Variants in PTPRT observed in about 807,000 individuals in gnomAD.
PTPRT encodes receptor-type tyrosine-protein phosphatase T.
A neutral mutation model predicts 176.8 loss-of-function variants in PTPRT; 56 were observed. That is an observed-to-expected ratio of 0.32 (90% confidence interval 0.26 to 0.40). PTPRT has a LOEUF of 0.40. Ranked by LOEUF, PTPRT falls within the 10% of genes least tolerant of loss-of-function variation. PTPRT has a pLI of 1.00. For missense variants in PTPRT, 1,540 were observed against 1,908.2 expected (o/e 0.81, Z 3.60); for synonymous variants, 783 against 739.0 (o/e 1.06, Z -0.96).
intron 12 of PTPRT, among the ~76,000 whole-genome samples, chr20:42,315,051 A>G (rs1364792170): frequency 6.6e-6 from 1 of 152,156 alleles, no homozygotes; most frequent in Non-Finnish European, 1.5e-5. Flanking sequence ...ACTGGTGCCA[A>G]TCCTTGACCA....
At chr20:42,677,367 G>A (rs963232627) in intron 7 of PTPRT, among the ~76,000 whole-genome samples, 4 of 152,060 alleles carry the variant, frequency 2.6e-5, no homozygotes, top group African/African-American at 7.2e-5. Flanking sequence ...AAGCGTTCAC[G>A]GGGCACAGTG....
At chr20:42,276,284 C>T (rs74177340) in intron 13 of PTPRT, among the ~76,000 whole-genome samples, 13,404 of 151,026 alleles carry the variant, frequency 0.089, 813 homozygotes, top group East Asian at 0.22. Flanking sequence ...AAAAGTGAGG[C>T]CAACATCACT....
intron 1 of PTPRT, among the ~76,000 whole-genome samples, chr20:42,906,031 C>T (rs1004183061): frequency 6.6e-6 from 1 of 152,028 alleles, no homozygotes. Context: ...CGAACCTGCA[C>T]GTTGTGCACA....
intron 11 of PTPRT, among the ~76,000 whole-genome samples, chr20:42,330,355 A>T (rs181580049): frequency 6.6e-6 from 1 of 152,216 alleles, no homozygotes; most frequent in Admixed American, 6.5e-5. Context: ...ACATGTCTGC[A>T]GTCCCAGCTG....
At chr20:42,985,066 C>G (rs6030585) in intron 1 of PTPRT, among the ~76,000 whole-genome samples, 129,485 of 152,222 alleles carry the variant, frequency 0.85, 55,504 homozygotes, top group African/African-American at 0.96. Flanking sequence ...CTGGGAGCTA[C>G]AGCAGGAGGG....
At chr20:42,425,909 T>C (rs1187263894) in intron 9 of PTPRT, among the ~76,000 whole-genome samples, 1 of 152,082 alleles carries the variant, frequency 6.6e-6, no homozygotes, top group African/African-American at 2.4e-5. Flanking sequence ...GAGGAGCTTC[T>C]GGAAGGGGCT....
intron 9 of PTPRT, among the ~76,000 whole-genome samples, chr20:42,402,230 T>C (rs546635110): frequency 6.6e-6 from 1 of 152,076 alleles, no homozygotes; most frequent in Non-Finnish European, 1.5e-5. Flanking sequence ...CCCCAAAACA[T>C]CCCTGACTTG....
intron 13 of PTPRT, among the ~76,000 whole-genome samples, chr20:42,252,223 C>A (rs568365665): frequency 6.6e-6 from 1 of 152,198 alleles, no homozygotes; most frequent in Admixed American, 6.5e-5. Flanking sequence ...AAAAGAATAG[C>A]TTTAGGGGGA....
chr20:43,185,706 G>T (rs989065165), intron 1 of PTPRT, among the ~76,000 whole-genome samples: 1 of 152,268 alleles, frequency 6.6e-6, no homozygotes, highest in South Asian at 2.1e-4. Flanking sequence ...GGCCGAGGTA[G>T]GCACATCACC....
intron 7 of PTPRT, among the ~76,000 whole-genome samples, chr20:42,592,146 A>AT (rs11483312): frequency 1.4e-3 from 198 of 140,870 alleles, no homozygotes; most frequent in Middle Eastern, 7.4e-3. Flanking sequence ...CACCCAGCTA[A>AT]TTTTTTTTTT....
At chr20:42,958,064 A>G (rs1311777561) in intron 1 of PTPRT, among the ~76,000 whole-genome samples, 1 of 150,238 alleles carries the variant, frequency 6.7e-6, no homozygotes, top group Non-Finnish European at 1.5e-5. Context: ...AGCGGCAGAC[A>G]GGCTCTGTGC....
chr20:43,027,304 T>C (rs1439332906), intron 1 of PTPRT, among the ~76,000 whole-genome samples: 2 of 152,108 alleles, frequency 1.3e-5, no homozygotes, highest in African/African-American at 2.4e-5. Flanking sequence ...GGTGAAACCC[T>C]GTCTCTATTA....
intron 6 of PTPRT, among the ~76,000 whole-genome samples, chr20:42,695,988 G>C (rs137867214): frequency 2.6e-5 from 4 of 152,078 alleles, no homozygotes; most frequent in Non-Finnish European, 4.4e-5. Flanking sequence ...CTATCACTTA[G>C]AGAGTGGGCT....
At position 42,742,946 on chromosome 20, in the gene PTPRT, G is replaced by A. The variant is rs964238298; in HGVS notation, c.859+13516C>T. On this transcript the variant is annotated intron_variant, in intron 6 of 30. Coordinates refer to ENST00000373187, the MANE Select transcript of PTPRT (RefSeq NM_007050.6). ...GTGCAGCCTCCTCACCTCCCCTTAC[G>A]AAGGGCCTTTCCAATTGCTTGCTCA... is the stretch of plus-strand genomic sequence containing the variant. 3.9e-5 allele frequency among the ~76,000 whole-genome samples: 6 copies of A among 152,172 alleles called. No individual in the cohort carries two copies. The South Asian group carries it at 6.2e-4, about 16-fold the overall frequency.
At chr20:42,684,810 A>C (rs540600330) in intron 6 of PTPRT, among the ~76,000 whole-genome samples, 28 of 152,158 alleles carry the variant, frequency 1.8e-4, no homozygotes, top group Admixed American at 4.6e-4. Context: ...AAGACTAAAA[A>C]CTCTGGTTCC....
intron 7 of PTPRT, among the ~76,000 whole-genome samples, chr20:42,506,134 A>G (rs768981947): frequency 2.4e-4 from 37 of 152,154 alleles, no homozygotes; most frequent in South Asian, 6.2e-4. Flanking sequence ...TCTTCTTAAC[A>G]TTTCTTTTTT....
At chr20:42,879,421 T>C (rs955310992) in intron 2 of PTPRT, among the ~76,000 whole-genome samples, 6 of 152,188 alleles carry the variant, frequency 3.9e-5, no homozygotes, top group African/African-American at 1.4e-4. Flanking sequence ...CCTATGTGTG[T>C]ATGTATCTTT....
At chr20:42,810,013 C>T (rs2077674627) in intron 2 of PTPRT, among the ~76,000 whole-genome samples, 1 of 152,150 alleles carries the variant, frequency 6.6e-6, no homozygotes, top group African/African-American at 2.4e-5. Flanking sequence ...AGAGTAGGGG[C>T]CGGGCGCGGT....
chr20:42,405,614 C>G (rs1223962405), intron 9 of PTPRT, among the ~76,000 whole-genome samples: 1 of 152,160 alleles, frequency 6.6e-6, no homozygotes, highest in African/African-American at 2.4e-5. Context: ...TGGGTTGGTT[C>G]CAAGTCTTTG....
Sources: gnomAD v4.1 joint callset for allele counts (sites outside exome capture counted in the v4.1 genomes callset) on GRCh38, gnomAD v4.1.1 for gene constraint, MANE v1.5 for transcripts, NCBI Gene and HGNC (gene_info 2026-07-23, HGNC 2026-07-21) for gene names.